PTPRD: variants seen among roughly 807,000 people sequenced by gnomAD.
PTPRD encodes the protein receptor-type tyrosine-protein phosphatase delta.
A neutral mutation model predicts 214.5 loss-of-function variants in PTPRD; 34 were observed. The ratio of observed to expected loss-of-function variants is 0.16; its 90% CI spans 0.12 to 0.21. PTPRD has a LOEUF of 0.21. Among genes scored for constraint, PTPRD ranks in the 10% least tolerant of loss-of-function variants. The pLI, the probability that PTPRD is intolerant of heterozygous loss-of-function variation, is 1.00. For synonymous variants in PTPRD, 1,128 were observed against 845.7 expected (o/e 1.33, Z -5.79); for missense variants, 2,545 against 2,398.7 (o/e 1.06, Z -1.27).
chr9:10,198,394 G>T (rs139449819), intron 3 of PTPRD, among the ~76,000 whole-genome samples: 412 of 152,248 alleles, frequency 2.7e-3, no homozygotes, highest in African/African-American at 9.3e-3. Context: ...ATGGAGTTAG[G>T]CAGCATCTTA....
chr9:9,762,088 C>T (rs572738257), intron 6 of PTPRD, among the ~76,000 whole-genome samples: 1 of 152,182 alleles, frequency 6.6e-6, no homozygotes, highest in African/African-American at 2.4e-5. Flanking sequence ...CTATAGGAAA[C>T]CCCACCCTTA....
chr9:10,610,807 C>A (rs1248558173), intron 2 of PTPRD, among the ~76,000 whole-genome samples: 2 of 152,104 alleles, frequency 1.3e-5, no homozygotes, highest in East Asian at 3.8e-4. Flanking sequence ...TGTCTCATTA[C>A]CCTAAAAACT....
At chr9:8,383,899 A>G (rs553691702) in intron 37 of PTPRD, among the ~76,000 whole-genome samples, 1 of 152,306 alleles carries the variant, frequency 6.6e-6, no homozygotes, top group East Asian at 1.9e-4. Context: ...ACCCTGACTA[A>G]GCCTTTCAAC....
chr9:9,177,119 G>T (rs544629973), intron 10 of PTPRD, among the ~76,000 whole-genome samples: 63 of 152,206 alleles, frequency 4.1e-4, no homozygotes, highest in Admixed American at 1.3e-3. Flanking sequence ...GGAGGTCTCA[G>T]GAAACTTACA....
intron 8 of PTPRD, among the ~76,000 whole-genome samples, chr9:9,462,979 T>A (rs1457326596): frequency 6.6e-6 from 1 of 152,150 alleles, no homozygotes; most frequent in African/African-American, 2.4e-5. Context: ...GACACTATGT[T>A]TTACTGAACT....
At chr9:10,062,767 A>G (rs1341200450) in intron 3 of PTPRD, among the ~76,000 whole-genome samples, 1 of 151,884 alleles carries the variant, frequency 6.6e-6, no homozygotes, top group Non-Finnish European at 1.5e-5. Context: ...CTGAAAATCT[A>G]TGTAACTCAT....
rs147483408 is a variant in PTPRD at position 10,133,678 on chromosome 9, A to C, written c.-544-99888T>G. Among the ~76,000 whole-genome samples, 427 of 152,286 alleles carry C rather than the reference A, an allele frequency of 2.8e-3. 14 individuals carry two copies. In the East Asian group the frequency reaches 0.072, roughly 26 times the overall value. On this transcript the variant is annotated intron_variant, in intron 3 of 45. Transcript: ENST00000381196. ...TAATATGTAAAGTAGAAAAACAAGT[A>C]ATATGTTCACCAATAGATAGTAACA...
chr9:9,684,308 A>C (rs1564527878), intron 7 of PTPRD, among the ~76,000 whole-genome samples: 1 of 151,644 alleles, frequency 6.6e-6, no homozygotes, highest in Non-Finnish European at 1.5e-5. Flanking sequence ...TGACACTCTA[A>C]TATGTGAGAT....
At chr9:10,475,610 G>C (rs2099801491) in intron 2 of PTPRD, among the ~76,000 whole-genome samples, 1 of 152,058 alleles carries the variant, frequency 6.6e-6, no homozygotes, top group African/African-American at 2.4e-5. Flanking sequence ...TAGAAAAAAA[G>C]GGACTCCTCC....
At chr9:10,035,373 C>G (rs574765853) in intron 3 of PTPRD, among the ~76,000 whole-genome samples, 1 of 152,110 alleles carries the variant, frequency 6.6e-6, no homozygotes, top group Admixed American at 6.6e-5. Flanking sequence ...AAAATTTTCT[C>G]CCATTCTGTA....
At chr9:9,847,270 A>G (rs966233209) in intron 5 of PTPRD, among the ~76,000 whole-genome samples, 5 of 152,132 alleles carry the variant, frequency 3.3e-5, no homozygotes, top group Admixed American at 1.3e-4. Context: ...TTTCACTTCA[A>G]TGGGACACAT....
At chr9:8,502,474 T>C (rs1232119716) in intron 23 of PTPRD, among the ~76,000 whole-genome samples, 5 of 152,024 alleles carry the variant, frequency 3.3e-5, no homozygotes, top group Non-Finnish European at 7.4e-5. Flanking sequence ...TTACAGTCCA[T>C]CAAAATAAAA....
intron 5 of PTPRD, among the ~76,000 whole-genome samples, chr9:9,821,132 C>T (rs1314946969): frequency 6.6e-6 from 1 of 151,886 alleles, no homozygotes; most frequent in African/African-American, 2.4e-5. Flanking sequence ...CCATTTGTGT[C>T]ATCTATGTTT....
chr9:9,718,852 G>T (rs563729238), intron 7 of PTPRD, among the ~76,000 whole-genome samples: 1 of 152,192 alleles, frequency 6.6e-6, no homozygotes, highest in Non-Finnish European at 1.5e-5. Context: ...GGCTTGGCAC[G>T]TGCCTGGTGT....
intron 3 of PTPRD, among the ~76,000 whole-genome samples, chr9:10,278,930 A>T (rs1051895715): frequency 6.6e-6 from 1 of 151,922 alleles, no homozygotes; most frequent in African/African-American, 2.4e-5. Flanking sequence ...ACACACCACC[A>T]CGCCAGGCTA....
intron 9 of PTPRD, among the ~76,000 whole-genome samples, chr9:9,271,340 G>C (rs1301765679): frequency 6.7e-6 from 1 of 148,858 alleles, no homozygotes. Flanking sequence ...GGTATAATTT[G>C]GAAAAGTACG....
At chr9:8,950,460 T>G (rs1453333083) in intron 11 of PTPRD, among the ~76,000 whole-genome samples, 1 of 150,856 alleles carries the variant, frequency 6.6e-6, no homozygotes, top group Non-Finnish European at 1.5e-5. Context: ...TATGCACCAA[T>G]TCAGTCACCT....
chr9:8,954,105 C>T (rs1465187531), intron 11 of PTPRD, among the ~76,000 whole-genome samples: 1 of 151,870 alleles, frequency 6.6e-6, no homozygotes, highest in Non-Finnish European at 1.5e-5. Context: ...GGCACCCATT[C>T]ACAATGGACT....
chr9:8,792,142 G>C (rs1029038238), intron 11 of PTPRD, among the ~76,000 whole-genome samples: 1 of 152,154 alleles, frequency 6.6e-6, no homozygotes, highest in Non-Finnish European at 1.5e-5. Context: ...TATATGCAGA[G>C]GGTAGATTGA....
Sources: gnomAD v4.1 joint callset for allele counts (sites outside exome capture counted in the v4.1 genomes callset) on GRCh38, gnomAD v4.1.1 for gene constraint, MANE v1.5 for transcripts, NCBI Gene and HGNC (gene_info 2026-07-23, HGNC 2026-07-21) for gene names.